Variants in PRKN observed in about 807,000 individuals in gnomAD.
PRKN encodes parkin RBR E3 ubiquitin protein ligase, also known as E3 ubiquitin-protein ligase parkin.
Under a neutral mutation model 59.5 loss-of-function variants are expected in PRKN, and 56 were observed. The observed-to-expected ratio is 0.94, with a 90% CI of 0.76 to 1.18. The LOEUF (loss-of-function observed/expected upper bound fraction) is 1.18. Ranked by LOEUF, PRKN falls within the 50% of genes most tolerant of loss-of-function variation. The probability of loss-of-function intolerance (pLI) is 0.00; values close to 1 mark genes in which losing one functional copy is unlikely to be tolerated. For synonymous variants in PRKN, 250 were observed against 222.1 expected, an observed-to-expected ratio of 1.13 and a Z score of -1.12; for missense variants, 657 against 596.4, an observed-to-expected ratio of 1.10 and a Z score of -1.06.
chr6:162,478,059 G>A (rs1346408323), intron 1 of PRKN, among the ~76,000 whole-genome samples: 1 of 152,070 alleles, frequency 6.6e-6, no homozygotes, highest in African/African-American at 2.4e-5. Context: ...GGCGAACATG[G>A]TTATCCACGG....
chr6:161,854,084 T>TAA (rs34040894), intron 6 of PRKN, among the ~76,000 whole-genome samples: 25,150 of 103,306 alleles, frequency 0.24, 3,073 homozygotes, highest in South Asian at 0.33. Context: ...TGTTTCTACA[T>TAA]AAAAAAAAAA....
At chr6:161,850,705 T>C (rs565272949) in intron 6 of PRKN, among the ~76,000 whole-genome samples, 135 of 151,856 alleles carry the variant, frequency 8.9e-4, no homozygotes, top group Non-Finnish European at 1.5e-3. Flanking sequence ...CTTGAGACAA[T>C]AAGGGACTCA....
chr6:161,569,613 A>G (rs1583240113), intron 7 of PRKN, among the ~76,000 whole-genome samples, 197 bp from the exon 8 acceptor site: 1 of 152,194 alleles, frequency 6.6e-6, no homozygotes, highest in Non-Finnish European at 1.5e-5. Flanking sequence ...CTGGCCTCCA[A>G]CCGCACCTCT....
intron 1 of PRKN, among the ~76,000 whole-genome samples, chr6:162,721,868 T>G (rs916571792): frequency 2.6e-5 from 4 of 152,162 alleles, no homozygotes; most frequent in Non-Finnish European, 4.4e-5. Context: ...GAACTGGATC[T>G]TGAGTGATGA....
intron 5 of PRKN, among the ~76,000 whole-genome samples, chr6:162,026,230 C>T (rs1309609965): frequency 1.3e-5 from 2 of 152,154 alleles, no homozygotes; most frequent in South Asian, 2.1e-4. Context: ...TATGTATTCG[C>T]GTATTCATAG....
At chr6:162,606,304 T>C (rs143350630) in intron 1 of PRKN, among the ~76,000 whole-genome samples, 7 of 152,332 alleles carry the variant, frequency 4.6e-5, no homozygotes, top group Non-Finnish European at 8.8e-5. Flanking sequence ...TAGCACAGCC[T>C]ACCTTAAACA....
At position 161,409,146 on chromosome 6, in the gene PRKN, A is replaced by G. The variant is rs141760738; in HGVS notation, c.1084-22269T>C. Reference sequence around the variant, plus strand: ...CTTTTAGTAGAGATGGGGTTTCACCATATTGGCCAGGCTGGTCTCGAACTC... The same window carrying G: ...CTTTTAGTAGAGATGGGGTTTCACCGTATTGGCCAGGCTGGTCTCGAACTC... On this transcript the variant is annotated intron_variant, in intron 9 of 11. Transcript: ENST00000366898. This position sits in a 1 kb window ranked among gnomAD's most constrained non-coding sequence, Gnocchi z 4.6. Among the ~76,000 whole-genome samples the G allele has an allele frequency of 8.3e-3, 1,258 of 152,166 alleles. 24 individuals carry two copies. Among genetic ancestry groups the G allele is most frequent in the African/African-American group, 0.028 (1,155 of 41,496 alleles).
chr6:161,833,134 C>T (rs990788901), intron 6 of PRKN, among the ~76,000 whole-genome samples: 9 of 152,198 alleles, frequency 5.9e-5, no homozygotes, highest in South Asian at 4.1e-4. Flanking sequence ...AGACGGAGCC[C>T]GCTCTAAGAG....
intron 1 of PRKN, among the ~76,000 whole-genome samples, chr6:162,551,366 G>A (rs997920842): frequency 6.6e-6 from 1 of 152,250 alleles, no homozygotes; most frequent in Middle Eastern, 3.4e-3. Flanking sequence ...TACAATATAA[G>A]AGCTACAAAA....
intron 9 of PRKN, among the ~76,000 whole-genome samples, chr6:161,524,994 T>C (rs1163744287): frequency 6.6e-6 from 1 of 152,216 alleles, no homozygotes; most frequent in Admixed American, 6.5e-5. Context: ...ATTTCTTACA[T>C]CTTTTACACA....
chr6:162,317,861 C>T (rs1169444531), intron 2 of PRKN, among the ~76,000 whole-genome samples: 6 of 151,924 alleles, frequency 3.9e-5, no homozygotes, highest in Admixed American at 3.9e-4. Context: ...ACATTCAGTT[C>T]AGTAATTGAA....
intron 6 of PRKN, among the ~76,000 whole-genome samples, chr6:161,967,125 C>T (rs1450416671): frequency 6.6e-6 from 1 of 152,172 alleles, no homozygotes; most frequent in Non-Finnish European, 1.5e-5. Context: ...CCACTGCGCC[C>T]GGCCTAAGAA....
Position 161,569,386 on chromosome 6 carries a change from A to G in PRKN, c.902T>C (p.Leu301Pro), listed in dbSNP as rs780417025. The change falls in exon 8 of 12, where the codon CTC (leucine) becomes CCC (proline). Residue 301 changes from leucine to proline, a missense_variant. Physicochemically the swap from Leu to Pro is moderately conservative, Grantham distance 98. Transcript: ENST00000366898. ...AGCPNSLIKE[L>P]HHFRILGEEQ... The stretch of plus-strand genomic sequence containing the variant: ...TTCTCCCAGAATCCTGAAGTGATGG[A>G]GCTCTTTAATCAAGGAGTTGGGACA... 1.2e-6 allele frequency: 2 copies of G among 1,614,002 alleles called. No homozygotes were observed. Among genetic ancestry groups the G allele is most frequent in the South Asian group, 1.1e-5 (1 of 91,082 alleles).
At chr6:162,174,931 T>C (rs1347635763) in intron 4 of PRKN, among the ~76,000 whole-genome samples, 1 of 152,238 alleles carries the variant, frequency 6.6e-6, no homozygotes, top group Non-Finnish European at 1.5e-5. Context: ...CATATTGTGC[T>C]ACAGCTGGAG....
intron 6 of PRKN, among the ~76,000 whole-genome samples, chr6:161,887,906 T>C (rs1418685284): frequency 1.3e-5 from 2 of 152,252 alleles, no homozygotes; most frequent in East Asian, 3.8e-4. Flanking sequence ...GACAGATGTT[T>C]AGAATATTTC....
intron 1 of PRKN, among the ~76,000 whole-genome samples, chr6:162,634,006 G>A (rs917350985): frequency 3.9e-5 from 6 of 152,140 alleles, no homozygotes; most frequent in East Asian, 1.9e-4. Context: ...TATACCACAC[G>A]GTCTTGTGTC....
chr6:162,327,855 A>G (rs2128123815), intron 2 of PRKN, among the ~76,000 whole-genome samples: 1 of 152,224 alleles, frequency 6.6e-6, no homozygotes, highest in Non-Finnish European at 1.5e-5. Flanking sequence ...GGATGGGCCA[A>G]GGGAACACGA....
intron 4 of PRKN, among the ~76,000 whole-genome samples, chr6:162,111,661 T>G (rs1428042651): frequency 6.6e-6 from 1 of 151,772 alleles, no homozygotes; most frequent in Non-Finnish European, 1.5e-5. Context: ...AGTAAATCAC[T>G]GCGGTACTGT....
intron 10 of PRKN, among the ~76,000 whole-genome samples, chr6:161,381,989 G>A (rs374373562): frequency 2.0e-5 from 3 of 151,826 alleles, no homozygotes; most frequent in Admixed American, 6.6e-5. Context: ...GCAGGTGCCT[G>A]TAGTTTCAGC....
Sources: allele counts gnomAD v4.1 joint callset (sites outside exome capture counted in the v4.1 genomes callset), GRCh38; gene constraint gnomAD v4.1.1; non-coding constraint Gnocchi (gnomAD v3.1); transcripts MANE v1.5; gene names NCBI Gene and HGNC (gene_info 2026-07-23, HGNC 2026-07-21).